ZNF469: variants seen among roughly 807,000 people sequenced by gnomAD.
ZNF469 encodes the protein zinc finger protein 469.
ZNF469 carries 1 observed loss-of-function variant against 1.0 expected under a neutral mutation model. That is an observed-to-expected ratio of 1.00 (90% confidence interval 0.35 to 4.73). The LOEUF (loss-of-function observed/expected upper bound fraction) is 4.73. Among genes scored for constraint, ZNF469 ranks in the 30% most tolerant of loss-of-function variants. The pLI is 0.16. For synonymous variants in ZNF469, 2,703 were observed against 2,363.4 expected, an observed-to-expected ratio of 1.14 and a Z score of -4.17; for missense variants, 6,100 against 5,356.3, an observed-to-expected ratio of 1.14 and a Z score of -4.33.
At chr16:88,152,943 A>G in the ZNF469 span, among the ~76,000 whole-genome samples, 26 of 152,132 alleles carry the variant, frequency 1.7e-4, no homozygotes, top group African/African-American at 5.5e-4. This position sits in a 1 kb window ranked among gnomAD's most constrained non-coding sequence, Gnocchi z 4.2. Flanking sequence ...CGTCTCCTCC[A>G]CCTCACTGGC....
the ZNF469 span, among the ~76,000 whole-genome samples, chr16:88,293,528 A>T: frequency 1.3e-5 from 2 of 152,080 alleles, no homozygotes; most frequent in Non-Finnish European, 1.5e-5. Context: ...GAATGGGTGG[A>T]CTTATTTACT....
the ZNF469 span, among the ~76,000 whole-genome samples, chr16:88,271,205 C>T: frequency 2.0e-5 from 3 of 150,846 alleles, no homozygotes; most frequent in Non-Finnish European, 3.0e-5. Context: ...AGCGTGTTGA[C>T]GTTAGTCACC....
At chr16:88,134,801 T>C in the ZNF469 span, among the ~76,000 whole-genome samples, 1 of 152,254 alleles carries the variant, frequency 6.6e-6, no homozygotes, top group South Asian at 2.1e-4. Context: ...TTGCATTTTT[T>C]CTTTGGCTGA....
the ZNF469 span, among the ~76,000 whole-genome samples, chr16:88,280,625 A>G: frequency 6.6e-6 from 1 of 151,684 alleles, no homozygotes; most frequent in African/African-American, 2.4e-5. Flanking sequence ...CTTGGTCAGT[A>G]CCATGTAGAT....
the ZNF469 span, among the ~76,000 whole-genome samples, chr16:88,143,934 C>G: frequency 2.0e-5 from 3 of 152,202 alleles, no homozygotes; most frequent in Non-Finnish European, 2.9e-5. Flanking sequence ...GCAAGGACAC[C>G]GAGAGCCCCT....
At chr16:88,353,650 C>G in the ZNF469 span, among the ~76,000 whole-genome samples, 2 of 152,228 alleles carry the variant, frequency 1.3e-5, no homozygotes, top group Non-Finnish European at 2.9e-5. Flanking sequence ...ACGGTGGCTC[C>G]CAACAACTCA....
the ZNF469 span, among the ~76,000 whole-genome samples, chr16:88,357,194 AC>A: frequency 6.6e-6 from 1 of 152,198 alleles, no homozygotes; most frequent in East Asian, 1.9e-4. Context: ...AGAGCCCTGG[AC>A]CCGGGTTTGA....
At chr16:88,307,776 T>C in the ZNF469 span, among the ~76,000 whole-genome samples, 2 of 152,234 alleles carry the variant, frequency 1.3e-5, no homozygotes, top group African/African-American at 4.8e-5. Flanking sequence ...AAAAGTTTTC[T>C]CTCATTCTCT....
intron 1 of ZNF469, among the ~76,000 whole-genome samples, chr16:88,400,560 G>A (rs1313113404): frequency 1.3e-5 from 2 of 152,156 alleles, no homozygotes; most frequent in African/African-American, 4.8e-5. Flanking sequence ...GCCTTCCTGG[G>A]GCCAGGGACC....
chr16:88,134,507 T>C, the ZNF469 span, among the ~76,000 whole-genome samples: 1 of 152,244 alleles, frequency 6.6e-6, no homozygotes, highest in Non-Finnish European at 1.5e-5. Context: ...GCAATGCATG[T>C]CTCCACTTAT....
the ZNF469 span, among the ~76,000 whole-genome samples, chr16:88,164,094 C>CG: frequency 7.3e-6 from 1 of 136,888 alleles, no homozygotes; most frequent in Admixed American, 7.4e-5. Flanking sequence ...GGTGGATGAA[C>CG]GGGGTCAGTG....
the ZNF469 span, among the ~76,000 whole-genome samples, chr16:88,103,650 G>A: frequency 6.6e-6 from 1 of 152,158 alleles, no homozygotes; most frequent in Admixed American, 6.5e-5. Context: ...CGGGAGCCCT[G>A]GGATGCCGAG....
chr16:88,125,510 T>C, the ZNF469 span, among the ~76,000 whole-genome samples: 4 of 152,230 alleles, frequency 2.6e-5, no homozygotes, highest in East Asian at 7.7e-4. Context: ...TTAAATCTAT[T>C]GGCCGATTTG....
chr16:88,407,176 G>GGGCCCCCCAGGGTGGGAGCA (rs1905046794), intron 1 of ZNF469, among the ~76,000 whole-genome samples: 1 of 149,698 alleles, frequency 6.7e-6, no homozygotes, highest in Admixed American at 6.6e-5. Context: ...GTGGGCGGCT[G>GGGCCCCCCAGGGTGGGAGCA]CGGCTCAGAG....
At chr16:88,131,364 G>A in the ZNF469 span, among the ~76,000 whole-genome samples, 1 of 152,236 alleles carries the variant, frequency 6.6e-6, no homozygotes, top group African/African-American at 2.4e-5. Context: ...CAGAGGGGCC[G>A]GCCTGTTTGT....
the ZNF469 span, among the ~76,000 whole-genome samples, chr16:88,123,820 T>C: frequency 2.0e-5 from 3 of 152,256 alleles, no homozygotes; most frequent in African/African-American, 7.2e-5. Flanking sequence ...TTTTAAATTT[T>C]GAGATGGAGT....
At chr16:88,227,054 G>T in the ZNF469 span, among the ~76,000 whole-genome samples, 1 of 145,102 alleles carries the variant, frequency 6.9e-6, no homozygotes, top group Non-Finnish European at 1.5e-5. Context: ...CCTCCGCGCC[G>T]GGGCCTGCGC....
At chr16:88,324,503 C>G in the ZNF469 span, among the ~76,000 whole-genome samples, 6 of 152,262 alleles carry the variant, frequency 3.9e-5, no homozygotes, top group East Asian at 5.8e-4. Context: ...GGGCTCAGCC[C>G]GGGAGGGTTC....
rs562381502 is a variant in ZNF469, at chr16:88,398,011, C to G, written c.-192+14757C>G. Among the ~76,000 whole-genome samples the G allele has an allele frequency of 1.9e-3, 294 of 152,356 alleles. 2 individuals are homozygous for G. Among genetic ancestry groups the G allele is most frequent in the African/African-American group, 6.6e-3 (276 of 41,570 alleles). On this transcript the variant is annotated intron_variant, in intron 1 of 2. Coordinates refer to ENST00000565624, the MANE Select transcript of ZNF469 (RefSeq NM_001367624.2). ...GGAGATGGTGCAGGTCCTCTTCAGCCCGGCAGGGCCAGGCCTCCATTAGCC... is the reference window on the plus strand; with the variant it reads ...GGAGATGGTGCAGGTCCTCTTCAGCGCGGCAGGGCCAGGCCTCCATTAGCC...
Sources: allele counts gnomAD v4.1 joint callset (sites outside exome capture counted in the v4.1 genomes callset), GRCh38; gene constraint gnomAD v4.1.1; non-coding constraint Gnocchi (gnomAD v3.1); transcripts MANE v1.5; gene names NCBI Gene and HGNC (gene_info 2026-07-23, HGNC 2026-07-21).